The following C1orf87 variants were observed in gnomAD, a reference collection of about 807,000 sequenced individuals.
The protein encoded by C1orf87 is chromosome 1 open reading frame 87.
C1orf87 carries 58 observed loss-of-function variants against 60.5 expected under a neutral mutation model. The observed-to-expected ratio is 0.96, with a 90% CI of 0.78 to 1.19. The LOEUF is 1.19. C1orf87 is among the 50% of genes most tolerant of loss of function. The pLI is 0.00. For synonymous variants in C1orf87, 236 were observed against 227.4 expected (o/e 1.04, Z -0.34); for missense variants, 673 against 638.6 (o/e 1.05, Z -0.58).
rs767237363 is a variant in C1orf87 at position 59,990,812 on chromosome 1, G to T, written c.1502C>A (p.Ala501Asp). 5 of 1,613,990 alleles carry T rather than the reference G, an allele frequency of 3.1e-6. No individual in the cohort carries two copies. The South Asian group carries it at 3.3e-5, about 11-fold the overall frequency. ...ATTGTAGTTGTGAATGAGGCGTCTG[G>T]CTCGTTCCTTCTCCAGAACTCCTGT... Reference protein sequence around the residue: ...SNTGVLEKERARRLIHNYNLI... With the variant: ...SNTGVLEKERDRRLIHNYNLI... The change falls in exon 12 of 12, where the codon GCC (alanine) becomes GAC (aspartate). Residue 501 changes from alanine (A) to aspartate (D), a missense_variant. Coordinates refer to ENST00000371201, the MANE Select transcript of C1orf87 (RefSeq NM_152377.3).
intron 8 of C1orf87, among the ~76,000 whole-genome samples, chr1:60,015,168 G>T (rs1483073603): frequency 6.6e-6 from 1 of 152,136 alleles, no homozygotes; most frequent in Non-Finnish European, 1.5e-5. Context: ...TAGGAGCTAT[G>T]GTCTTAGGGA....
chr1:60,029,731 C>G (rs1055490552), intron 7 of C1orf87, among the ~76,000 whole-genome samples: 1 of 150,658 alleles, frequency 6.6e-6, no homozygotes, highest in African/African-American at 2.4e-5. Context: ...ACCTCCGCCT[C>G]CTGGGTTCAA....
At chr1:60,050,098 T>A (rs1274550958) in intron 3 of C1orf87, among the ~76,000 whole-genome samples, 3 of 152,124 alleles carry the variant, frequency 2.0e-5, no homozygotes, top group African/African-American at 7.2e-5. Context: ...TCATGCTTGT[T>A]TGTTATTCCA....
chr1:60,005,672 G>C (rs1008611118), intron 9 of C1orf87, among the ~76,000 whole-genome samples: 1 of 152,082 alleles, frequency 6.6e-6, no homozygotes, highest in Non-Finnish European at 1.5e-5. Context: ...ACTGAGAGCA[G>C]AGCCTGGGTG....
rs79521472 is a variant in C1orf87, at chr1:60,012,311, T to C, written c.1128-1855A>G. ...GTGTTCTCTTAGATATCAGGTATGATATGAGATAACGCCTCTGGATAAAAT... is the reference window on the plus strand; with the variant it reads ...GTGTTCTCTTAGATATCAGGTATGACATGAGATAACGCCTCTGGATAAAAT... On this transcript the variant is annotated intron_variant, in intron 8 of 11. Transcript: ENST00000371201. Among the ~76,000 whole-genome samples the C allele has an allele frequency of 3.1e-3, 468 of 152,262 alleles. 1 individual carries two copies. The highest frequency in any genetic ancestry group is 0.011 in the African/African-American group (447 of 41,558).
intron 2 of C1orf87, among the ~76,000 whole-genome samples, chr1:60,055,734 T>G (rs1282270842): frequency 6.6e-6 from 1 of 152,138 alleles, no homozygotes; most frequent in Non-Finnish European, 1.5e-5. Flanking sequence ...AAATGAACCC[T>G]AAAGGTTATC....
At chr1:60,064,325 T>TGC (rs796229764) in intron 2 of C1orf87, among the ~76,000 whole-genome samples, 1 of 140,174 alleles carries the variant, frequency 7.1e-6, no homozygotes, top group Non-Finnish European at 1.5e-5. Flanking sequence ...AAATTATATA[T>TGC]TATATATACT....
At chr1:60,054,792 T>A (rs1645440983) in intron 3 of C1orf87, among the ~76,000 whole-genome samples, 2 of 152,226 alleles carry the variant, frequency 1.3e-5, no homozygotes, top group Admixed American at 1.3e-4. Flanking sequence ...GCCTATAATT[T>A]TTTTTTGTAA....
Position 60,072,637 on chromosome 1 carries a change from A to C in C1orf87, c.7T>G (p.Ser3Ala), listed in dbSNP as rs1645592071. Residue 3 changes from serine to alanine, a missense_variant, in exon 2 of 12, where the codon TCA becomes GCA. Coordinates refer to ENST00000371201, the MANE Select transcript of C1orf87 (RefSeq NM_152377.3). ...GATCCACGGGGAGTCTTCCAGGCTG[A>C]AGACATGATTCCTTTCAAAATCCCT... MSSAWKTPRGSDA... is the reference protein window; with the variant it reads MSAAWKTPRGSDA... 2 of 1,607,932 alleles carry C rather than the reference A, an allele frequency of 1.2e-6. No individual in the cohort carries two copies. Among genetic ancestry groups the C allele is most frequent in the African/African-American group, 2.7e-5 (2 of 74,822 alleles).
intron 2 of C1orf87, 146 bp from the exon 3 acceptor site, chr1:60,055,584 T>A: frequency 4.6e-6 from 3 of 654,158 alleles, no homozygotes; most frequent in Non-Finnish European, 8.0e-6. Context: ...TGGTTATTTG[T>A]CTATGCATCA....
chr1:60,001,488 C>T (rs61803762), intron 9 of C1orf87, among the ~76,000 whole-genome samples: 14,760 of 152,022 alleles, frequency 0.097, 965 homozygotes, highest in Non-Finnish European at 0.14. Context: ...GTGGGGGTTT[C>T]GGAGGAAGTG....
chr1:59,993,115 A>C (rs961290620), intron 11 of C1orf87, among the ~76,000 whole-genome samples: 14 of 152,128 alleles, frequency 9.2e-5, no homozygotes, highest in African/African-American at 3.1e-4. Context: ...GGTGGCATGC[A>C]CCAGCTAAGG....
intron 7 of C1orf87, 116 bp downstream of exon 7, chr1:60,033,360 C>T (rs1645252634): frequency 2.1e-6 from 2 of 940,858 alleles, no homozygotes; most frequent in Non-Finnish European, 3.1e-6. Flanking sequence ...AAACAAACAA[C>T]TGTGTAATGT....
In C1orf87 at chr1:60,039,046, T is replaced by C. The variant is rs1645299009; in HGVS notation, c.747+871A>G. Among the ~76,000 whole-genome samples, 4 of 152,206 alleles carry C rather than the reference T, an allele frequency of 2.6e-5. No individual in the cohort carries two copies. The South Asian group carries it at 8.3e-4, about 32-fold the overall frequency. On this transcript the variant is annotated intron_variant, in intron 5 of 11. Transcript: ENST00000371201. The stretch of plus-strand genomic sequence containing the variant: ...ATAAATATATAACTAATTCTATTAG[T>C]TTGCATTTATCACATTACTAAATCC...
intron 3 of C1orf87, among the ~76,000 whole-genome samples, chr1:60,043,963 G>T (rs1309402021): frequency 1.3e-5 from 2 of 152,192 alleles, no homozygotes; most frequent in Non-Finnish European, 2.9e-5. Flanking sequence ...GAACAAGGCA[G>T]GTGTGACTCC....
intron 2 of C1orf87, among the ~76,000 whole-genome samples, chr1:60,064,684 T>A (rs1335290283): frequency 3.7e-4 from 39 of 105,964 alleles, no homozygotes; most frequent in African/African-American, 1.4e-3. Flanking sequence ...TAAATATATA[T>A]TTATATATAA....
intron 1 of C1orf87, 51 bp from the exon 2 acceptor site, chr1:60,072,721 T>A (rs1037279046): frequency 1.1e-6 from 1 of 926,252 alleles, no homozygotes; most frequent in Non-Finnish European, 1.7e-6. Flanking sequence ...ATTAGGGAAC[T>A]GCATCATCCT....
At chr1:59,991,371 G>A (rs1175028824) in intron 11 of C1orf87, among the ~76,000 whole-genome samples, 1 of 152,160 alleles carries the variant, frequency 6.6e-6, no homozygotes, top group East Asian at 1.9e-4. Context: ...CTCAAGCCCC[G>A]ATATAAAATG....
chr1:60,059,113 A>G (rs1277791934), intron 2 of C1orf87, among the ~76,000 whole-genome samples: 1 of 152,228 alleles, frequency 6.6e-6, no homozygotes, highest in East Asian at 1.9e-4. Context: ...TTTGAAAATT[A>G]TCAAGAAAAT....
Sources: gnomAD v4.1 joint callset for allele counts (sites outside exome capture counted in the v4.1 genomes callset) on GRCh38, gnomAD v4.1.1 for gene constraint, MANE v1.5 for transcripts, NCBI Gene and HGNC (gene_info 2026-07-23, HGNC 2026-07-21) for gene names.